TTC27: variants seen among roughly 807,000 people sequenced by gnomAD.
TTC27 encodes the protein tetratricopeptide repeat domain 27, also known as tetratricopeptide repeat protein 27.
TTC27 carries 79 observed loss-of-function variants against 115.9 expected under a neutral mutation model. The ratio of observed to expected loss-of-function variants is 0.68; its 90% confidence interval spans 0.57 to 0.82. The LOEUF is 0.82. TTC27 is among the 40% of genes least tolerant of loss of function. The pLI is 0.00. For synonymous variants in TTC27, 401 were observed against 356.0 expected, an observed-to-expected ratio of 1.13 and a Z score of -1.42; for missense variants, 1,054 against 993.1, an observed-to-expected ratio of 1.06 and a Z score of -0.82.
At chr2:32,758,103 C>G (rs1669301697) in intron 12 of TTC27, among the ~76,000 whole-genome samples, 189 bp from the exon 13 acceptor site, 1 of 152,164 alleles carries the variant, frequency 6.6e-6, no homozygotes, top group East Asian at 1.9e-4. Flanking sequence ...CGCAATATCT[C>G]TGAGGTATGC....
chr2:32,666,648 A>C lies in TTC27; in HGVS notation c.819A>C (p.Lys273Asn). The change falls in exon 7 of 20, where the codon AAA becomes AAC. Residue 273 changes from lysine to asparagine, a missense_variant. Transcript: ENST00000317907. The stretch of plus-strand genomic sequence containing the variant: ...TTGTTTTTTCAGGTGCTTTGGGAAA[A>C]AGAACACGGTTCCAGGAAAATTATG... ...LQIDLTGALG[K>N]RTRFQENYVA... The C allele has an allele frequency of 6.2e-7, 1 of 1,613,872 alleles. No individual in the cohort carries two copies. The highest frequency in any genetic ancestry group is 8.5e-7 in the Non-Finnish European group (1 of 1,179,908).
chr2:32,779,943 A>C (rs1572606550), intron 14 of TTC27: 2 of 269,808 alleles, frequency 7.4e-6, no homozygotes, highest in Non-Finnish European at 8.5e-6. Context: ...GTCAAAAATC[A>C]GTTTACTGTA....
At position 32,736,784 on chromosome 2, in the gene TTC27, A is replaced by G. The variant is rs1374237598; in HGVS notation, c.1420A>G (p.Ile474Val). The G allele has an allele frequency of 3.1e-6, 5 of 1,613,884 alleles. No homozygotes were observed. The highest frequency in any genetic ancestry group is 4.2e-6 in the Non-Finnish European group (5 of 1,179,936). The change falls in exon 12 of 20, where the codon ATT becomes GTT. Residue 474 changes from isoleucine to valine, a missense_variant. Transcript: ENST00000317907. ...GCTAGAAATGTGGGAAGATGTTGTCATTTGTTATGAAAGAGCCGGGCAGCA... is the reference window on the plus strand; with the variant it reads ...GCTAGAAATGTGGGAAGATGTTGTCGTTTGTTATGAAAGAGCCGGGCAGCA... ...EKLEMWEDVV[I>V]CYERAGQHGK...
chr2:32,669,910 A>G (rs978818792), intron 7 of TTC27, among the ~76,000 whole-genome samples: 3 of 151,530 alleles, frequency 2.0e-5, no homozygotes, highest in Admixed American at 6.6e-5. Flanking sequence ...AAGAAAAGAA[A>G]GAAATGTTAC....
chr2:32,803,666 A>G (rs1456819784), intron 16 of TTC27, among the ~76,000 whole-genome samples: 2 of 152,130 alleles, frequency 1.3e-5, no homozygotes, highest in East Asian at 3.9e-4. Context: ...TATAATGAAG[A>G]TTAACAATAA....
At chr2:32,772,931 G>A (rs1669877928) in intron 13 of TTC27, among the ~76,000 whole-genome samples, 1 of 152,128 alleles carries the variant, frequency 6.6e-6, no homozygotes, top group Admixed American at 6.5e-5. Flanking sequence ...GAGACTCATA[G>A]GTTAAGTGAC....
intron 18 of TTC27, among the ~76,000 whole-genome samples, chr2:32,814,450 G>A (rs1671423221): frequency 6.6e-6 from 1 of 152,190 alleles, no homozygotes; most frequent in Non-Finnish European, 1.5e-5. Flanking sequence ...GATTTACAAA[G>A]ATAAATCTTA....
chr2:32,820,723 G>A, intron 19 of TTC27, 93 bp from the exon 20 acceptor site: 1 of 1,182,190 alleles, frequency 8.5e-7, no homozygotes, highest in Non-Finnish European at 1.1e-6. Context: ...GTATTATTAT[G>A]CAAAAGGTTT....
intron 16 of TTC27, among the ~76,000 whole-genome samples, chr2:32,789,813 G>A (rs764020743): frequency 6.6e-6 from 1 of 150,412 alleles, no homozygotes; most frequent in Non-Finnish European, 1.5e-5. Context: ...GTGGCTACTC[G>A]GGAGGCTGAG....
At chr2:32,730,990 G>T (rs941140463) in intron 10 of TTC27, among the ~76,000 whole-genome samples, 7 of 152,190 alleles carry the variant, frequency 4.6e-5, no homozygotes, top group Admixed American at 4.6e-4. Context: ...TATGTAGATG[G>T]TTGTCATGCA....
At chr2:32,678,829 A>G in intron 8 of TTC27, 27 bp from the exon 9 acceptor site, 1 of 1,549,834 alleles carries the variant, frequency 6.5e-7, no homozygotes. Context: ...TCTTATAATT[A>G]ATTTACCTTT....
intron 16 of TTC27, among the ~76,000 whole-genome samples, chr2:32,809,248 C>T (rs568048297): frequency 1.3e-5 from 2 of 152,346 alleles, no homozygotes; most frequent in Non-Finnish European, 2.9e-5. Flanking sequence ...GCATTTCTCT[C>T]AGCTACGCTT....
chr2:32,785,645 GA>G (rs1323599670), intron 15 of TTC27, among the ~76,000 whole-genome samples: 13 of 152,290 alleles, frequency 8.5e-5, no homozygotes, highest in African/African-American at 2.9e-4. Context: ...GCCCAGGCTG[GA>G]GTGCAGTGGC....
intron 18 of TTC27, among the ~76,000 whole-genome samples, chr2:32,815,998 C>T (rs557338978): frequency 3.3e-5 from 5 of 152,190 alleles, no homozygotes; most frequent in East Asian, 3.9e-4. Context: ...CAGCCTCTAC[C>T]GATTGATTAG....
chr2:32,678,841 T>C lies in TTC27; in HGVS notation c.1053-15T>C, dbSNP rs772156578. ...GCATCTTATAATTAATTTACCTTTT[T>C]TTCTTAATTTAAAGCACTAATTTTC... is the stretch of plus-strand genomic sequence containing the variant. On this transcript the variant is annotated splice_polypyrimidine_tract_variant and intron_variant, in intron 8 of 19. Coordinates refer to ENST00000317907, the MANE Select transcript of TTC27 (RefSeq NM_017735.5). 6 of 1,591,584 alleles carry C rather than the reference T, an allele frequency of 3.8e-6. No individual in the cohort carries two copies. The highest frequency in any genetic ancestry group is 1.7e-6 in the Non-Finnish European group (2 of 1,167,054).
At chr2:32,778,347 A>C (rs571037213) in intron 14 of TTC27, among the ~76,000 whole-genome samples, 1 of 152,288 alleles carries the variant, frequency 6.6e-6, no homozygotes, top group African/African-American at 2.4e-5. Context: ...AATAATTCAC[A>C]TACCATATAA....
chr2:32,650,356 T>A (rs1665059282), intron 5 of TTC27, 123 bp downstream of exon 5: 4 of 178,428 alleles, frequency 2.2e-5, no homozygotes, highest in Non-Finnish European at 3.5e-5. Flanking sequence ...GTTGTTTCTT[T>A]TTTTTTTTTT....
chr2:32,757,170 A>T (rs867899046), intron 12 of TTC27, among the ~76,000 whole-genome samples: 1 of 152,208 alleles, frequency 6.6e-6, no homozygotes, highest in Non-Finnish European at 1.5e-5. Context: ...TTTAATAGAC[A>T]TTGCTAAAAA....
rs763294115 is a variant in TTC27, at chr2:32,672,334, C to G, written c.1002C>G (p.Phe334Leu). The change falls in exon 8 of 20, where the codon TTC becomes TTG. Residue 334 changes from phenylalanine (F) to leucine (L), a missense_variant. Physicochemically the swap from Phe to Leu is conservative, Grantham distance 22. Transcript: ENST00000317907. The part of the protein sequence containing the change: ...NDIKLADCEQ[F>L]QMPDLCAEEI... ...TAAAGTTAGCAGATTGTGAACAGTT[C>G]CAGATGCCGGATCTGTGTGCTGAAG... is the stretch of plus-strand genomic sequence containing the variant. 1 of 1,613,828 alleles carries G rather than the reference C, an allele frequency of 6.2e-7. No individual in the cohort carries two copies. The highest frequency in any genetic ancestry group is 1.1e-5 in the South Asian group (1 of 91,064).
Sources: gnomAD v4.1 joint callset for allele counts (sites outside exome capture counted in the v4.1 genomes callset) on GRCh38, gnomAD v4.1.1 for gene constraint, MANE v1.5 for transcripts, NCBI Gene and HGNC (gene_info 2026-07-23, HGNC 2026-07-21) for gene names.